The following IMMP2L variants were observed in gnomAD, a reference collection of about 807,000 sequenced individuals.
The protein encoded by IMMP2L is mitochondrial inner membrane protease subunit 2.
In IMMP2L, 18 loss-of-function variants were observed where a neutral mutation model predicts 19.3. That is an observed-to-expected ratio of 0.93 (90% CI 0.64 to 1.38). The LOEUF (loss-of-function observed/expected upper bound fraction) is 1.38. IMMP2L is among the 40% of genes most tolerant of loss of function. The pLI is 0.00. For missense variants in IMMP2L, 233 were observed against 218.2 expected (o/e 1.07, Z -0.43); for synonymous variants, 76 against 73.0 (o/e 1.04, Z -0.21).
At chr7:111,170,237 T>G (rs1806280515) in intron 3 of IMMP2L, among the ~76,000 whole-genome samples, 1 of 151,800 alleles carries the variant, frequency 6.6e-6, no homozygotes, top group South Asian at 2.1e-4. Context: ...TTATTTTTTC[T>G]CCCCTAAGGA....
intron 3 of IMMP2L, among the ~76,000 whole-genome samples, chr7:111,221,246 T>C (rs923870629): frequency 6.6e-6 from 1 of 151,980 alleles, no homozygotes; most frequent in African/African-American, 2.4e-5. Context: ...AACAAAAAGA[T>C]ATATATCTAT....
chr7:111,558,408 A>G (rs1756475600), intron 1 of IMMP2L, among the ~76,000 whole-genome samples: 1 of 152,236 alleles, frequency 6.6e-6, no homozygotes, highest in Non-Finnish European at 1.5e-5. Flanking sequence ...ACTTTGAGGA[A>G]AAATGAAACA....
chr7:110,964,652 G>C (rs967537290), intron 3 of IMMP2L, among the ~76,000 whole-genome samples: 1 of 152,008 alleles, frequency 6.6e-6, no homozygotes, highest in Non-Finnish European at 1.5e-5. Context: ...TTTCCAGACT[G>C]TGATAGGATT....
chr7:110,927,328 A>G (rs1429383042), intron 4 of IMMP2L, among the ~76,000 whole-genome samples: 5 of 152,116 alleles, frequency 3.3e-5, no homozygotes, highest in Non-Finnish European at 7.4e-5. Flanking sequence ...TCTTGTGCGA[A>G]AGGCATAATA....
rs563607845 is a variant in IMMP2L, at chr7:110,813,076, A to G, written c.408+73517T>C. The stretch of plus-strand genomic sequence containing the variant: ...ACTTTGCAGTAAAATGTTTTCCCCT[A>G]TATTTTACCACTAACCTCTTTTTTC... On this transcript the variant is annotated intron_variant, in intron 5 of 5. Coordinates refer to ENST00000405709, the MANE Select transcript of IMMP2L (RefSeq NM_032549.4). 4.6e-5 allele frequency among the ~76,000 whole-genome samples: 7 copies of G among 152,044 alleles called. No homozygotes were observed. The South Asian group carries it at 1.0e-3, about 23-fold the overall frequency.
At position 110,758,387 on chromosome 7, in the gene IMMP2L, A is replaced by T. The variant is rs1297921500; in HGVS notation, c.409-94666T>A. 2.0e-5 allele frequency among the ~76,000 whole-genome samples: 3 copies of T among 152,090 alleles called. No individual in the cohort carries two copies. The highest frequency in any genetic ancestry group is 4.4e-5 in the Non-Finnish European group (3 of 67,996). ...AGCAGAGAGACAGAGATTTTAAAAA[A>T]TATATAGGATAACAAACAGCACGTT... On this transcript the variant is annotated intron_variant, in intron 5 of 5. Coordinates refer to ENST00000405709, the MANE Select transcript of IMMP2L (RefSeq NM_032549.4). This position sits in a 1 kb window ranked among gnomAD's most constrained non-coding sequence, Gnocchi z 4.6.
intron 3 of IMMP2L, among the ~76,000 whole-genome samples, chr7:111,010,940 CAA>C (rs1028560450): frequency 1.0e-5 from 1 of 97,694 alleles, no homozygotes; most frequent in African/African-American, 3.2e-5. Context: ...CAGAGCTGGA[CAA>C]AAAAAAAAAG....
intron 5 of IMMP2L, among the ~76,000 whole-genome samples, chr7:110,669,674 G>T (rs911227499): frequency 1.3e-5 from 2 of 152,146 alleles, no homozygotes; most frequent in African/African-American, 4.8e-5. Context: ...AAGCCATGGG[G>T]TAAGTACTGT....
chr7:110,784,946 G>A (rs1042315123), intron 5 of IMMP2L, among the ~76,000 whole-genome samples: 13 of 151,858 alleles, frequency 8.6e-5, no homozygotes, highest in South Asian at 2.1e-4. Flanking sequence ...GTTAAATGAC[G>A]TCATTTTAAA....
chr7:111,092,048 T>C lies in IMMP2L; in HGVS notation c.240-128483A>G, dbSNP rs1340267508. The stretch of plus-strand genomic sequence containing the variant: ...AGTGGATGCAAATTAAGGCAAATGC[T>C]GTTGTATGTTAAGAGCTAAACCACT... On this transcript the variant is annotated intron_variant, in intron 3 of 5. Coordinates refer to ENST00000405709, the MANE Select transcript of IMMP2L (RefSeq NM_032549.4). Among the ~76,000 whole-genome samples, 7 of 152,352 alleles carry C rather than the reference T, an allele frequency of 4.6e-5. No individual in the cohort carries two copies. The East Asian group carries it at 1.4e-3, about 29-fold the overall frequency.
intron 3 of IMMP2L, among the ~76,000 whole-genome samples, chr7:110,966,137 AC>A (rs1214981964): frequency 6.6e-6 from 1 of 152,108 alleles, no homozygotes; most frequent in Non-Finnish European, 1.5e-5. Context: ...GGAAATATCA[AC>A]AGAATGTATG....
intron 5 of IMMP2L, among the ~76,000 whole-genome samples, chr7:110,752,554 A>C (rs866298407): frequency 2.4e-4 from 37 of 152,044 alleles, no homozygotes; most frequent in African/African-American, 8.2e-4. Flanking sequence ...ATTGTTTTCA[A>C]GTCTAGTATT....
intron 3 of IMMP2L, among the ~76,000 whole-genome samples, chr7:111,180,763 T>C (rs1360332308): frequency 1.3e-5 from 2 of 152,072 alleles, no homozygotes; most frequent in African/African-American, 2.4e-5. Flanking sequence ...CACGTATATA[T>C]TGACAAAGCC....
chr7:110,973,947 C>T (rs921276969), intron 3 of IMMP2L, among the ~76,000 whole-genome samples: 1 of 151,998 alleles, frequency 6.6e-6, no homozygotes, highest in African/African-American at 2.4e-5. Flanking sequence ...GGGGCCAAAC[C>T]GTCATCTTCA....
chr7:111,389,412 T>G (rs1443062548), intron 3 of IMMP2L, among the ~76,000 whole-genome samples: 10 of 152,110 alleles, frequency 6.6e-5, no homozygotes. Context: ...ATTGTATCAA[T>G]ACTAGTTTCC....
intron 5 of IMMP2L, among the ~76,000 whole-genome samples, chr7:110,816,217 T>C (rs1297846276): frequency 6.6e-6 from 1 of 152,174 alleles, no homozygotes; most frequent in African/African-American, 2.4e-5. Flanking sequence ...CTTCATTTCA[T>C]TATGTACCCA....
chr7:111,322,605 A>C (rs908284316), intron 3 of IMMP2L, among the ~76,000 whole-genome samples: 1 of 151,692 alleles, frequency 6.6e-6, no homozygotes, highest in Non-Finnish European at 1.5e-5. Context: ...AATTTTAAAA[A>C]AAATTAGAAA....
In IMMP2L at chr7:111,504,703, C is replaced by G. The variant is rs549824011; in HGVS notation, c.135+16610G>C. Among the ~76,000 whole-genome samples the G allele has an allele frequency of 3.5e-4, 54 of 152,210 alleles. 1 individual carries two copies. The South Asian group carries it at 9.6e-3, about 27-fold the overall frequency. On this transcript the variant is annotated intron_variant, in intron 2 of 5. Transcript: ENST00000405709. Reference sequence around the variant, plus strand: ...ACCATCTGATCTTTGACAAACCTGACAAAAACAAGCAATGGGGAAAGGATT... The same window carrying G: ...ACCATCTGATCTTTGACAAACCTGAGAAAAACAAGCAATGGGGAAAGGATT...
intron 5 of IMMP2L, among the ~76,000 whole-genome samples, chr7:110,734,684 G>A (rs1367349515): frequency 6.6e-6 from 1 of 151,666 alleles, no homozygotes; most frequent in East Asian, 2.0e-4. Context: ...AACCAGTCAG[G>A]CAGACAGTTA....
Sources: gnomAD v4.1 joint callset for allele counts (sites outside exome capture counted in the v4.1 genomes callset) on GRCh38, gnomAD v4.1.1 for gene constraint, Gnocchi (gnomAD v3.1) non-coding constraint, MANE v1.5 for transcripts, NCBI Gene and HGNC (gene_info 2026-07-23, HGNC 2026-07-21) for gene names.